WDFY2: variants seen among roughly 807,000 people sequenced by gnomAD.
WDFY2 encodes WD repeat and FYVE domain-containing protein 2.
Under a neutral mutation model 56.4 loss-of-function variants are expected in WDFY2, and 36 were observed. That is an observed-to-expected ratio of 0.64 (90% CI 0.49 to 0.84). The LOEUF (loss-of-function observed/expected upper bound fraction) is 0.84, where lower values mean the gene tolerates loss of function less well. Ranked by LOEUF, WDFY2 falls within the 40% of genes least tolerant of loss-of-function variation. The probability of loss-of-function intolerance (pLI) is 0.00; values close to 1 mark genes in which losing one functional copy is unlikely to be tolerated. For synonymous variants in WDFY2, 176 were observed against 183.7 expected, an observed-to-expected ratio of 0.96 and a Z score of 0.34; for missense variants, 444 against 512.2, an observed-to-expected ratio of 0.87 and a Z score of 1.29.
chr13:51,716,988 A>G (rs1483069618), intron 4 of WDFY2, among the ~76,000 whole-genome samples: 1 of 152,158 alleles, frequency 6.6e-6, no homozygotes, highest in African/African-American at 2.4e-5. Context: ...GTTCATTACA[A>G]AATATTCCCA....
At chr13:51,645,978 A>G (rs1955255181) in intron 1 of WDFY2, among the ~76,000 whole-genome samples, 1 of 152,180 alleles carries the variant, frequency 6.6e-6, no homozygotes, top group Non-Finnish European at 1.5e-5. Flanking sequence ...TTACTGATGA[A>G]TGACACCACC....
intron 2 of WDFY2, among the ~76,000 whole-genome samples, chr13:51,668,726 C>G (rs1955756804): frequency 6.6e-6 from 1 of 152,164 alleles, no homozygotes; most frequent in Non-Finnish European, 1.5e-5. Context: ...TTGCAGAAGT[C>G]ACCGTTGTTA....
intron 1 of WDFY2, among the ~76,000 whole-genome samples, chr13:51,628,682 G>A (rs2138374340): frequency 6.6e-6 from 1 of 152,362 alleles, no homozygotes; most frequent in South Asian, 2.1e-4. Context: ...CGGAAGAAGA[G>A]AGGCAGGATG....
chr13:51,760,616 C>G lies in WDFY2; in HGVS notation c.*847C>G, dbSNP rs530598272. On this transcript the variant is annotated 3_prime_UTR_variant, in exon 12 of 12. Coordinates refer to ENST00000298125, the MANE Select transcript of WDFY2 (RefSeq NM_052950.4). ...TTTTTTGACGCAGCTCTCCCTCACTCGTAACAATGAAAACAAATGACACAC... is the reference window on the plus strand; with the variant it reads ...TTTTTTGACGCAGCTCTCCCTCACTGGTAACAATGAAAACAAATGACACAC... 9.2e-5 allele frequency: 14 copies of G among 152,168 alleles called. No individual in the cohort carries two copies. Among genetic ancestry groups the G allele is most frequent in the African/African-American group, 3.1e-4 (13 of 41,426 alleles). 9.4% of individuals were successfully genotyped at this position (152,168 alleles called of 1,614,324 possible).
intron 4 of WDFY2, among the ~76,000 whole-genome samples, chr13:51,711,438 T>G (rs867955426): frequency 6.7e-6 from 1 of 149,560 alleles, no homozygotes; most frequent in Non-Finnish European, 1.5e-5. Context: ...AATTGACAAA[T>G]GGGATCTAAT....
chr13:51,739,024 T>C, intron 6 of WDFY2, 25 bp from the exon 7 acceptor site: 2 of 1,536,942 alleles, frequency 1.3e-6, no homozygotes, highest in Middle Eastern at 1.7e-4. Flanking sequence ...TTGTGACTGA[T>C]GTCTGGTTGT....
chr13:51,630,856 G>A lies in WDFY2; in HGVS notation c.138-29740G>A, dbSNP rs1168137148. ...TGCAGTGGCGCTATCTCGGGTCACT[G>A]CAACCCCTGCCTCCTGGATTTAAGC... is the stretch of plus-strand genomic sequence containing the variant. On this transcript the variant is annotated intron_variant, in intron 1 of 11. Coordinates refer to ENST00000298125, the MANE Select transcript of WDFY2 (RefSeq NM_052950.4). 2.0e-5 allele frequency among the ~76,000 whole-genome samples: 3 copies of A among 150,514 alleles called. No individual in the cohort carries two copies. In the East Asian group the frequency reaches 6.0e-4, roughly 30 times the overall value.
chr13:51,703,972 A>G lies in WDFY2; in HGVS notation c.334+322A>G, dbSNP rs936307818. Among the ~76,000 whole-genome samples the G allele has an allele frequency of 2.6e-5, 4 of 152,334 alleles. No homozygotes were observed. The East Asian group carries it at 7.7e-4, about 29-fold the overall frequency. On this transcript the variant is annotated intron_variant, in intron 4 of 11. Transcript: ENST00000298125. Reference sequence around the variant, plus strand: ...GTGGGTCCAGTAAAAAGCTGCCTTAATAGGACTCATCTTGTATTTGGTTAA... The same window carrying G: ...GTGGGTCCAGTAAAAAGCTGCCTTAGTAGGACTCATCTTGTATTTGGTTAA...
At chr13:51,586,709 G>T (rs1351044392) in intron 1 of WDFY2, 1 of 152,138 alleles carries the variant, frequency 6.6e-6, no homozygotes, top group African/African-American at 2.4e-5. Flanking sequence ...TAGGATGAAA[G>T]AAATGCAATG....
intron 4 of WDFY2, among the ~76,000 whole-genome samples, chr13:51,716,390 A>G (rs924016668): frequency 1.1e-4 from 17 of 152,190 alleles, no homozygotes; most frequent in Non-Finnish European, 1.9e-4. Context: ...CTCAATACAA[A>G]ATTTTAAAAA....
chr13:51,605,286 T>C (rs1416773832), intron 1 of WDFY2, among the ~76,000 whole-genome samples: 2 of 152,226 alleles, frequency 1.3e-5, no homozygotes, highest in African/African-American at 4.8e-5. Flanking sequence ...CACCACTTTC[T>C]AGCTGTAACT....
At chr13:51,601,575 C>T (rs1047148539) in intron 1 of WDFY2, among the ~76,000 whole-genome samples, 3 of 152,218 alleles carry the variant, frequency 2.0e-5, no homozygotes, top group South Asian at 2.1e-4. Context: ...CCACCATGCC[C>T]GGCTAATTTT....
chr13:51,700,719 A>G (rs1951965420), intron 3 of WDFY2, among the ~76,000 whole-genome samples: 1 of 151,872 alleles, frequency 6.6e-6, no homozygotes, highest in Non-Finnish European at 1.5e-5. Context: ...TAATCCCAGC[A>G]CTTTGGGAGG....
intron 1 of WDFY2, among the ~76,000 whole-genome samples, chr13:51,640,428 G>A (rs1243013772): frequency 6.6e-6 from 1 of 152,130 alleles, no homozygotes; most frequent in African/African-American, 2.4e-5. Context: ...CCTTTGTTGG[G>A]TATGGATGTT....
chr13:51,609,965 G>T (rs1954464659), intron 1 of WDFY2, among the ~76,000 whole-genome samples: 1 of 152,148 alleles, frequency 6.6e-6, no homozygotes, highest in Non-Finnish European at 1.5e-5. Context: ...ATTGGTCAAA[G>T]ATGGAACTGA....
At chr13:51,676,073 A>T (rs968246925) in intron 3 of WDFY2, among the ~76,000 whole-genome samples, 1 of 152,016 alleles carries the variant, frequency 6.6e-6, no homozygotes, top group Non-Finnish European at 1.5e-5. Context: ...GCTCAAGGGG[A>T]TGTATGTGAT....
chr13:51,716,915 G>A (rs1366721752), intron 4 of WDFY2, among the ~76,000 whole-genome samples: 2 of 152,048 alleles, frequency 1.3e-5, no homozygotes, highest in African/African-American at 4.8e-5. Context: ...TACGTCAACA[G>A]GTTAAAGAAG....
At chr13:51,644,747 G>C (rs1445173250) in intron 1 of WDFY2, among the ~76,000 whole-genome samples, 1 of 152,226 alleles carries the variant, frequency 6.6e-6, no homozygotes, top group Admixed American at 6.5e-5. Flanking sequence ...ATTCAGCAAA[G>C]TTATTTGGGT....
chr13:51,730,809 A>T (rs891120501), intron 6 of WDFY2, among the ~76,000 whole-genome samples: 1 of 152,288 alleles, frequency 6.6e-6, no homozygotes, highest in South Asian at 2.1e-4. Context: ...GATGTGTGAG[A>T]GCATGGCTCT....
Sources: gnomAD v4.1 joint callset for allele counts (sites outside exome capture counted in the v4.1 genomes callset) on GRCh38, gnomAD v4.1.1 for gene constraint, MANE v1.5 for transcripts, NCBI Gene and HGNC (gene_info 2026-07-23, HGNC 2026-07-21) for gene names.